Variants in UBXN8 observed in about 807,000 individuals in gnomAD.
The protein encoded by UBXN8 is UBX domain-containing protein 8.
In UBXN8, 27 loss-of-function variants were observed where a neutral mutation model predicts 32.1. That is an observed-to-expected ratio of 0.84 (90% CI 0.62 to 1.16). The LOEUF (loss-of-function observed/expected upper bound fraction) is 1.16, where lower values mean the gene tolerates loss of function less well. Ranked by LOEUF, UBXN8 falls within the 50% of genes most tolerant of loss-of-function variation. The pLI, the probability that UBXN8 is intolerant of heterozygous loss-of-function variation, is 0.00. For missense variants in UBXN8, 306 were observed against 311.4 expected (o/e 0.98, Z 0.13); for synonymous variants, 109 against 111.8 (o/e 0.98, Z 0.16).
upstream of UBXN8, among the ~76,000 whole-genome samples, chr8:30,730,504 C>T (rs965653550): frequency 1.1e-4 from 16 of 152,098 alleles, no homozygotes; most frequent in African/African-American, 3.4e-4. Context: ...GAACATGCAC[C>T]GGCTGATTAC....
intron 5 of UBXN8, among the ~76,000 whole-genome samples, chr8:30,759,776 G>C (rs981197303): frequency 2.7e-5 from 4 of 150,710 alleles, no homozygotes; most frequent in African/African-American, 9.7e-5. Context: ...CTAACACGGG[G>C]AAACCCTATC....
intron 3 of UBXN8, chr8:30,754,377 G>T: frequency 2.0e-6 from 1 of 502,928 alleles, no homozygotes; most frequent in South Asian, 1.6e-5. Flanking sequence ...ATCAGGATAG[G>T]AAAAGTAGAT....
chr8:30,739,355 T>C (rs10108432), upstream of UBXN8, among the ~76,000 whole-genome samples: 4,487 of 142,832 alleles, frequency 0.031, 293 homozygotes, highest in African/African-American at 0.1. Flanking sequence ...CCATCCTGGC[T>C]AACACGGTGA....
At chr8:30,729,713 T>C (rs934457724), upstream of UBXN8, among the ~76,000 whole-genome samples, 1 of 152,190 alleles carries the variant, frequency 6.6e-6, no homozygotes, top group Non-Finnish European at 1.5e-5. Context: ...ATGGGGTTAC[T>C]ATGACACCAG....
chr8:30,758,884 TGTTTTTTTTG>T (rs1563564586), intron 5 of UBXN8, among the ~76,000 whole-genome samples: 29 of 137,132 alleles, frequency 2.1e-4, no homozygotes, highest in African/African-American at 7.4e-4. Flanking sequence ...TTTTTTTGTT[TGTTTTTTTTG>T]TTTTTTTTTT....
At chr8:30,729,229 A>G (rs1428335194), upstream of UBXN8, among the ~76,000 whole-genome samples, 2 of 152,202 alleles carry the variant, frequency 1.3e-5, no homozygotes, top group African/African-American at 4.8e-5. Context: ...TGGGTAGGCA[A>G]TTGCCCCGGT....
At chr8:30,741,454 CTTTTTTT>C (rs565066061), upstream of UBXN8, among the ~76,000 whole-genome samples, 23 of 116,712 alleles carry the variant, frequency 2.0e-4, no homozygotes, top group East Asian at 4.3e-3. Flanking sequence ...AAGCAATGTT[CTTTTTTT>C]TTTTTTTTTT....
At chr8:30,738,641 A>G (rs1805121686) in intron 1 of UBXN8, among the ~76,000 whole-genome samples, 1 of 133,964 alleles carries the variant, frequency 7.5e-6, no homozygotes, top group Non-Finnish European at 1.5e-5. Context: ...AGCCTGGGCG[A>G]CAGCCTCCGT....
intron 1 of UBXN8, among the ~76,000 whole-genome samples, chr8:30,748,339 A>T (rs1297506070): frequency 6.6e-6 from 1 of 151,564 alleles, no homozygotes. Flanking sequence ...GATGGCCCAC[A>T]TCTGTGGTCC....
intron 1 of UBXN8, chr8:30,744,555 TAAAC>T (rs371488224): frequency 1.6e-5 from 8 of 512,274 alleles, no homozygotes; most frequent in African/African-American, 1.1e-4. Flanking sequence ...GAAAAGGAAA[TAAAC>T]AGGTTGATAA....
intron 5 of UBXN8, among the ~76,000 whole-genome samples, chr8:30,759,129 A>G (rs1399631200): frequency 6.6e-6 from 1 of 151,524 alleles, no homozygotes; most frequent in Non-Finnish European, 1.5e-5. Flanking sequence ...TCCTGACCTC[A>G]TGATCTGCCC....
intron 1 of UBXN8, among the ~76,000 whole-genome samples, chr8:30,736,928 CCT>C (rs1805080121): frequency 6.6e-6 from 1 of 152,148 alleles, no homozygotes; most frequent in African/African-American, 2.4e-5. Flanking sequence ...CACCCTTCTC[CCT>C]GTCTCCCTCC....
intron 4 of UBXN8, chr8:30,756,424 C>T (rs893370520): frequency 3.9e-5 from 9 of 230,844 alleles, no homozygotes; most frequent in East Asian, 9.7e-5. Context: ...TGATTACAAG[C>T]GTGAGCCACC....
upstream of UBXN8, among the ~76,000 whole-genome samples, chr8:30,742,045 TC>T (rs1413325833): frequency 6.6e-6 from 1 of 152,170 alleles, no homozygotes; most frequent in East Asian, 1.9e-4. Context: ...CTGTAGAACT[TC>T]CTTTCCTGTC....
chr8:30,763,264 CTTCCTTA>C lies in UBXN8; in HGVS notation c.571-8_571-2del. On this transcript the variant is annotated splice_acceptor_variant and splice_polypyrimidine_tract_variant and intron_variant, in intron 6 of 7. Coordinates refer to ENST00000265616, the MANE Select transcript of UBXN8 (RefSeq NM_005671.4). LOFTEE classifies it high-confidence loss of function. Reference sequence around the variant, plus strand: ...GATCGGAGTTCTTATGTGAATATTTCTTCCTTAGGTAGTTACTGTTGCTCTCCGATGT... The same window carrying C: ...GATCGGAGTTCTTATGTGAATATTTCGGTAGTTACTGTTGCTCTCCGATGT... 1 of 1,613,598 alleles carries C rather than the reference CTTCCTTA, an allele frequency of 6.2e-7. No homozygotes were observed. Among genetic ancestry groups the C allele is most frequent in the South Asian group, 1.1e-5 (1 of 91,072 alleles).
upstream of UBXN8, among the ~76,000 whole-genome samples, chr8:30,739,951 G>A (rs114847362): frequency 6.8e-3 from 1,028 of 152,282 alleles, 16 homozygotes; most frequent in African/African-American, 0.023. Context: ...GCCCAGGCTG[G>A]AGTGCAGTGT....
rs1210464661 is a variant in UBXN8 at position 30,760,218 on chromosome 8, A to C, written c.529-670A>C. On this transcript the variant is annotated intron_variant, in intron 5 of 7. Coordinates refer to ENST00000265616, the MANE Select transcript of UBXN8 (RefSeq NM_005671.4). ...GCTGGGATTATGGGCACCCGCCATCATGCCTGATAATTTTTGTATTTTTGT... is the reference window on the plus strand; with the variant it reads ...GCTGGGATTATGGGCACCCGCCATCCTGCCTGATAATTTTTGTATTTTTGT... 2.7e-3 allele frequency among the ~76,000 whole-genome samples: 3 copies of C among 1,094 alleles called. No homozygotes were observed. The Non-Finnish European group carries it at 0.035, about 13-fold the overall frequency. The allele number at this position is 1,094 out of a possible 152,430, so 0.7% of individuals were successfully genotyped here.
At chr8:30,732,450 G>A (rs1804985247), upstream of UBXN8, 3 of 374,584 alleles carry the variant, frequency 8.0e-6, no homozygotes, top group South Asian at 2.8e-4. Context: ...TAATCTACCG[G>A]AGCCTAAGAC....
At chr8:30,752,160 G>GA (rs1366837822) in intron 2 of UBXN8, among the ~76,000 whole-genome samples, 1 of 152,204 alleles carries the variant, frequency 6.6e-6, no homozygotes, top group East Asian at 1.9e-4. Flanking sequence ...GATGTGTTGG[G>GA]ATCACAGGCA....
Sources: allele counts gnomAD v4.1 joint callset (sites outside exome capture counted in the v4.1 genomes callset), GRCh38; gene constraint gnomAD v4.1.1; transcripts MANE v1.5; gene names NCBI Gene and HGNC (gene_info 2026-07-23, HGNC 2026-07-21).